The following NTS variants were observed in gnomAD, a reference collection of about 807,000 sequenced individuals.
NTS encodes neurotensin/neuromedin N.
Under a neutral mutation model 19.5 loss-of-function variants are expected in NTS, and 20 were observed. The ratio of observed to expected loss-of-function variants is 1.02; its 90% CI spans 0.72 to 1.49. The LOEUF (loss-of-function observed/expected upper bound fraction) is 1.49. NTS is among the 40% of genes most tolerant of loss of function. NTS has a pLI of 0.00. For synonymous variants in NTS, 71 were observed against 63.3 expected, an observed-to-expected ratio of 1.12 and a Z score of -0.58; for missense variants, 215 against 193.1, an observed-to-expected ratio of 1.11 and a Z score of -0.67.
intron 1 of NTS, 103 bp from the exon 2 acceptor site, chr12:85,876,535 GAC>G (rs1028759689): frequency 5.6e-6 from 3 of 539,444 alleles, no homozygotes; most frequent in Non-Finnish European, 9.3e-6. Context: ...ACATAAGAAA[GAC>G]ACTAACCTCT....
chr12:85,878,245 G>A (rs1291315857), intron 2 of NTS, 100 bp from the exon 3 acceptor site: 2 of 780,498 alleles, frequency 2.6e-6, no homozygotes, highest in African/African-American at 3.5e-5. Flanking sequence ...GACTGGAGTA[G>A]CAATTAGACC....
intron 3 of NTS, among the ~76,000 whole-genome samples, chr12:85,880,603 G>A (rs1001257522): frequency 2.0e-5 from 3 of 152,146 alleles, no homozygotes; most frequent in African/African-American, 4.8e-5. Context: ...GAAAAGACCA[G>A]TTTTTAATTT....
chr12:85,875,461 T>C (rs1189034951), intron 1 of NTS, among the ~76,000 whole-genome samples: 1 of 152,112 alleles, frequency 6.6e-6, no homozygotes, highest in Non-Finnish European at 1.5e-5. Flanking sequence ...TGATTTAAAT[T>C]ATGAAATTAA....
chr12:85,876,026 G>A (rs908569615), intron 1 of NTS, among the ~76,000 whole-genome samples: 2 of 151,926 alleles, frequency 1.3e-5, no homozygotes, highest in Non-Finnish European at 2.9e-5. Context: ...TTGTTGAACA[G>A]CTCCACTTTT....
rs759518882 is a variant in NTS at position 85,882,417 on chromosome 12, C to T, written c.*42C>T. ...TTTACATGTGATTGTGATTCATCATCCCTTAATTAAATATCAAATTATATT... is the reference window on the plus strand; with the variant it reads ...TTTACATGTGATTGTGATTCATCATTCCTTAATTAAATATCAAATTATATT... On this transcript the variant is annotated 3_prime_UTR_variant, in exon 4 of 4. Transcript: ENST00000256010. 3.3e-5 allele frequency: 44 copies of T among 1,347,344 alleles called. No homozygotes were observed. Among genetic ancestry groups the T allele is most frequent in the South Asian group, 2.0e-4 (14 of 69,718 alleles). 83.5% of individuals were successfully genotyped at this position (1,347,344 alleles called of 1,614,324 possible).
At chr12:85,880,785 T>C (rs1049130682) in intron 3 of NTS, among the ~76,000 whole-genome samples, 1 of 152,090 alleles carries the variant, frequency 6.6e-6, no homozygotes, top group African/African-American at 2.4e-5. Context: ...ACCCCGTCTC[T>C]ACTAAAAATA....
chr12:85,875,625 T>G (rs1881324457), intron 1 of NTS, among the ~76,000 whole-genome samples: 1 of 152,092 alleles, frequency 6.6e-6, no homozygotes, highest in Non-Finnish European at 1.5e-5. Flanking sequence ...AGATTAAAGA[T>G]TCACATACTT....
intron 3 of NTS, 92 bp downstream of exon 3, chr12:85,878,661 C>CA: frequency 1.4e-6 from 1 of 730,436 alleles, no homozygotes. Flanking sequence ...ATAATCATAA[C>CA]AAGAAGAGTT....
chr12:85,881,112 T>A (rs1169031856), intron 3 of NTS, among the ~76,000 whole-genome samples: 2 of 152,170 alleles, frequency 1.3e-5, no homozygotes, highest in Non-Finnish European at 2.9e-5. Flanking sequence ...CTATTTTAAA[T>A]GTTATTGAGT....
chr12:85,875,426 T>A (rs895034811), intron 1 of NTS, among the ~76,000 whole-genome samples: 1 of 152,088 alleles, frequency 6.6e-6, no homozygotes, highest in Non-Finnish European at 1.5e-5. Context: ...CATGGAAATG[T>A]TTAACTCAAA....
intron 1 of NTS, 64 bp from the exon 2 acceptor site, chr12:85,876,576 C>A (rs1881349678): frequency 1.1e-6 from 1 of 949,302 alleles, no homozygotes; most frequent in South Asian, 2.0e-5. Context: ...AACCTAAAAT[C>A]TGTAGATTAT....
chr12:85,877,336 T>C (rs2136590333), intron 2 of NTS, among the ~76,000 whole-genome samples: 1 of 152,202 alleles, frequency 6.6e-6, no homozygotes, highest in Admixed American at 6.5e-5. Flanking sequence ...ATTACTAAAC[T>C]GTACTCTTCA....
In NTS at chr12:85,879,793, T is replaced by TA. The variant is rs1190666785; in HGVS notation, c.360+1224_360+1225insA. Among the ~76,000 whole-genome samples, 22 of 125,756 alleles carry TA rather than the reference T, an allele frequency of 1.7e-4. 1 individual carries two copies. The highest frequency in any genetic ancestry group is 2.3e-4 in the African/African-American group (9 of 38,450). The allele number at this position is 125,756 out of a possible 152,430, so 82.5% of individuals were successfully genotyped here. On this transcript the variant is annotated intron_variant, in intron 3 of 3. Coordinates refer to ENST00000256010, the MANE Select transcript of NTS (RefSeq NM_006183.5). ...TATAAAATATATTTTTTGTATATTT[T>TA]TGTATATAAAATATATTTTTATGTA...
At chr12:85,875,437 C>T (rs1009642781) in intron 1 of NTS, among the ~76,000 whole-genome samples, 3 of 151,980 alleles carry the variant, frequency 2.0e-5, no homozygotes, top group African/African-American at 7.2e-5. Flanking sequence ...TTAACTCAAA[C>T]TCATGCTATC....
intron 1 of NTS, among the ~76,000 whole-genome samples, chr12:85,875,525 A>T (rs1318368130): frequency 6.6e-6 from 1 of 152,112 alleles, no homozygotes; most frequent in Non-Finnish European, 1.5e-5. Flanking sequence ...TATTTTAATC[A>T]TCAGAACATA....
chr12:85,882,522 TA>T lies in NTS; in HGVS notation c.*150del. On this transcript the variant is annotated 3_prime_UTR_variant, in exon 4 of 4. Transcript: ENST00000256010. Reference sequence around the variant, plus strand: ...TGAATGTGATTTTTCTGCACTAATATAAATTAGACTAAGTGTTTTCAAATAA... The same window carrying T: ...TGAATGTGATTTTTCTGCACTAATATAATTAGACTAAGTGTTTTCAAATAA... The T allele has an allele frequency of 1.7e-6, 1 of 601,482 alleles. No homozygotes were observed. 37.3% of individuals were successfully genotyped at this position (601,482 alleles called of 1,614,324 possible).
intron 3 of NTS, among the ~76,000 whole-genome samples, chr12:85,879,962 T>A (rs1881465704): frequency 6.7e-6 from 1 of 149,118 alleles, no homozygotes; most frequent in Admixed American, 6.7e-5. Context: ...ATTGCAGTTT[T>A]TACCATCAAA....
chr12:85,878,554 T>A lies in NTS; in HGVS notation c.345T>A (p.Ala115=), dbSNP rs761085357. 1.2e-5 allele frequency: 19 copies of A among 1,607,572 alleles called. No individual in the cohort carries two copies. In the East Asian group the frequency reaches 4.2e-4, roughly 36 times the overall value. ...YQLHKICHSR[A]FQHWELIQED... ...TCCACAAAATCTGTCACAGCAGGGC[T>A]TTTCAACACTGGGAGGTATAGCAAT... The change falls in exon 3 of 4, where the codon GCT becomes GCA. Residue 115 remains alanine, a synonymous_variant. Transcript: ENST00000256010.
intron 1 of NTS, among the ~76,000 whole-genome samples, chr12:85,875,035 T>C (rs1234198561): frequency 6.6e-6 from 1 of 152,208 alleles, no homozygotes; most frequent in Admixed American, 6.5e-5. Flanking sequence ...TTCCAGATCC[T>C]TTTTGAGAAC....
Sources: gnomAD v4.1 joint callset for allele counts (sites outside exome capture counted in the v4.1 genomes callset) on GRCh38, gnomAD v4.1.1 for gene constraint, MANE v1.5 for transcripts, NCBI Gene and HGNC (gene_info 2026-07-23, HGNC 2026-07-21) for gene names.